Variants in DNA2 observed in about 807,000 individuals in gnomAD.
DNA2 encodes DNA replication ATP-dependent helicase/nuclease DNA2.
DNA2 carries 101 observed loss-of-function variants against 119.1 expected under a neutral mutation model. The ratio of observed to expected loss-of-function variants is 0.85; its 90% confidence interval spans 0.72 to 1.00. The LOEUF is 1.00. Ranked by LOEUF, DNA2 falls within the 50% of genes least tolerant of loss-of-function variation. DNA2 has a pLI of 0.00. For missense variants in DNA2, 1,121 were observed against 1,255.5 expected (o/e 0.89, Z 1.62); for synonymous variants, 366 against 424.4 (o/e 0.86, Z 1.69).
At chr10:68,425,048 G>A (rs2133366754) in intron 14 of DNA2, 1 of 367,560 alleles carries the variant, frequency 2.7e-6, no homozygotes, top group South Asian at 3.0e-5. Flanking sequence ...AGGCTAGTGT[G>A]TGTTTCTTTG....
intron 20 of DNA2, among the ~76,000 whole-genome samples, 157 bp from the exon 21 acceptor site, chr10:68,415,264 G>T (rs1387340199): frequency 6.6e-6 from 1 of 150,816 alleles, no homozygotes; most frequent in Non-Finnish European, 1.5e-5. Context: ...TAAGCAACAG[G>T]AGTTATTTAT....
Position 68,422,557 on chromosome 10 carries a change from T to C in DNA2, c.2450A>G (p.Lys817Arg). 8 of 1,614,066 alleles carry C rather than the reference T, an allele frequency of 5.0e-6. No individual in the cohort carries two copies. The highest frequency in any genetic ancestry group is 6.8e-6 in the Non-Finnish European group (8 of 1,179,912). The part of the protein sequence containing the change: ...ESLFKRLEQN[K>R]SAVVQLTVQY... ...CACGGTTAACTGTACAACAGCACTC[T>C]TATTCTGCTCCAGCCTCTTGAATAA... Residue 817 changes from lysine to arginine, a missense_variant, in exon 16 of 21, where the codon AAG becomes AGG. Physicochemically the swap from Lys to Arg is conservative, Grantham distance 26 (BLOSUM62 2). Coordinates refer to ENST00000358410, the MANE Select transcript of DNA2 (RefSeq NM_001080449.3).
At chr10:68,451,306 T>G (rs2052115007) in intron 5 of DNA2, among the ~76,000 whole-genome samples, 1 of 151,166 alleles carries the variant, frequency 6.6e-6, no homozygotes, top group East Asian at 1.9e-4. Flanking sequence ...AGTACTCAAT[T>G]TTTTTTTTAT....
intron 6 of DNA2, among the ~76,000 whole-genome samples, chr10:68,447,408 T>C (rs115038917): frequency 0.024 from 3,620 of 150,558 alleles, 135 homozygotes; most frequent in African/African-American, 0.084. Context: ...ATCCAGCTAC[T>C]TGAGAGGCTA....
intron 6 of DNA2, among the ~76,000 whole-genome samples, chr10:68,446,704 A>G (rs887945600): frequency 6.6e-6 from 1 of 151,978 alleles, no homozygotes; most frequent in African/African-American, 2.4e-5. Context: ...TAGTGAGACC[A>G]AGTGATAGTC....
chr10:68,465,856 G>A (rs1371325526), intron 3 of DNA2, 44 bp from the exon 4 acceptor site: 4 of 1,417,008 alleles, frequency 2.8e-6, no homozygotes. Context: ...CATATTAACA[G>A]ACACAATTGT....
At chr10:68,424,793 T>C in intron 14 of DNA2, 2 of 1,215,712 alleles carry the variant, frequency 1.6e-6, no homozygotes, top group Non-Finnish European at 2.4e-6. Flanking sequence ...GAAAGAAAGA[T>C]GTCATCTACA....
intron 8 of DNA2, among the ~76,000 whole-genome samples, chr10:68,443,883 G>A (rs969195300): frequency 3.3e-5 from 5 of 151,882 alleles, no homozygotes; most frequent in Non-Finnish European, 7.4e-5. Flanking sequence ...CCCAGGAGGT[G>A]GAGGTTGCAG....
intron 4 of DNA2, among the ~76,000 whole-genome samples, chr10:68,460,062 T>C (rs117698908): frequency 0.22 from 26,949 of 123,860 alleles, 2,952 homozygotes; most frequent in African/African-American, 0.36. Context: ...CACACACACA[T>C]ACAAGTTAAC....
Position 68,422,212 on chromosome 10 carries a change from T to C in DNA2, c.2697+13A>G, listed in dbSNP as rs754786012. 2 of 1,006,134 alleles carry C rather than the reference T, an allele frequency of 2.0e-6. No homozygotes were observed. Among genetic ancestry groups the C allele is most frequent in the Non-Finnish European group, 2.6e-6 (2 of 766,070 alleles). 62.3% of individuals were successfully genotyped at this position (1,006,134 alleles called of 1,614,324 possible). A position where few individuals can be genotyped will look rare whatever the true frequency, so the allele number is the denominator to read the frequency against. On this transcript the variant is annotated intron_variant, in intron 17 of 20. Transcript: ENST00000358410. ...CAAAATGAGAAAAACTAAACAGAAA[T>C]TTTTTTTTTTACCTTGTCTGTATTA...
chr10:68,450,330 A>G, intron 5 of DNA2, 83 bp from the exon 6 acceptor site: 2 of 1,056,568 alleles, frequency 1.9e-6, no homozygotes, highest in Non-Finnish European at 2.8e-6. Context: ...CCTATTACAC[A>G]CAGAGAATGT....
At chr10:68,418,882 A>T (rs1283414907) in intron 19 of DNA2, among the ~76,000 whole-genome samples, 152 bp downstream of exon 19, 2 of 151,992 alleles carry the variant, frequency 1.3e-5, no homozygotes, top group Non-Finnish European at 2.9e-5. Flanking sequence ...CATGCTGTCC[A>T]GGCTGGTCTC....
At chr10:68,426,884 A>G (rs975819069) in intron 14 of DNA2, among the ~76,000 whole-genome samples, 10 of 152,276 alleles carry the variant, frequency 6.6e-5, no homozygotes, top group Middle Eastern at 3.4e-3. Context: ...TTTGTTCTGC[A>G]TAAGACCCTA....
At chr10:68,424,819 G>GT in intron 14 of DNA2, 2 of 978,518 alleles carry the variant, frequency 2.0e-6, no homozygotes, top group Non-Finnish European at 3.3e-6. Context: ...CAGGTGCAGC[G>GT]TGAGTAGGCC....
At chr10:68,457,573 A>T (rs1417852430) in intron 5 of DNA2, among the ~76,000 whole-genome samples, 1 of 151,900 alleles carries the variant, frequency 6.6e-6, no homozygotes, top group Non-Finnish European at 1.5e-5. Context: ...TGGTATAGAA[A>T]CTCCACAAAG....
chr10:68,420,276 C>T (rs1465220962), intron 17 of DNA2, among the ~76,000 whole-genome samples: 2 of 152,190 alleles, frequency 1.3e-5, no homozygotes, highest in Non-Finnish European at 2.9e-5. Flanking sequence ...CGGTGGCTCA[C>T]GCCTGTAATC....
intron 10 of DNA2, among the ~76,000 whole-genome samples, chr10:68,432,991 T>C (rs2051842355): frequency 6.6e-6 from 1 of 151,962 alleles, no homozygotes; most frequent in African/African-American, 2.4e-5. Context: ...GCCTCCAAAT[T>C]CCAAATTCCA....
chr10:68,416,732 T>C lies in DNA2; in HGVS notation c.3091A>G (p.Asn1031Asp). The change falls in exon 20 of 21, where the codon AAT becomes GAT. Residue 1031 changes from asparagine (N) to aspartate (D), a missense_variant. Physicochemically the swap from Asn to Asp is conservative, Grantham distance 23. Coordinates refer to ENST00000358410, the MANE Select transcript of DNA2 (RefSeq NM_001080449.3). The stretch of plus-strand genomic sequence containing the variant: ...ATTAATTTTTCTGAGTTTAAATGAT[T>C]AAGCAGCTTCTCCAAAGGAGGATAG... The part of the protein sequence containing the change: ...NCYPPLEKLL[N>D]HLNSEKLIID... 1 of 1,613,774 alleles carries C rather than the reference T, an allele frequency of 6.2e-7. No individual in the cohort carries two copies. The highest frequency in any genetic ancestry group is 8.5e-7 in the Non-Finnish European group (1 of 1,179,696).
In DNA2 at chr10:68,470,114, C is replaced by T; in HGVS notation, c.124G>A (p.Gly42Arg). ...ASFPRTVLST[G>R]MDNRYLVLAV... ...AACACCAGGTACCGGTTATCCATTC[C>T]TGTGCTCAGAACTGTTCTTGGAAAG... Residue 42 changes from glycine (G) to arginine (R), a missense_variant, in exon 2 of 21, where the codon GGA becomes AGA. Coordinates refer to ENST00000358410, the MANE Select transcript of DNA2 (RefSeq NM_001080449.3). 1 of 1,613,128 alleles carries T rather than the reference C, an allele frequency of 6.2e-7. No individual in the cohort carries two copies. The highest frequency in any genetic ancestry group is 1.7e-5 in the Admixed American group (1 of 59,706).
Sources: gnomAD v4.1 joint callset for allele counts (sites outside exome capture counted in the v4.1 genomes callset) on GRCh38, gnomAD v4.1.1 for gene constraint, MANE v1.5 for transcripts, NCBI Gene and HGNC (gene_info 2026-07-23, HGNC 2026-07-21) for gene names.